Variants in ATP8A2 observed in about 807,000 individuals in gnomAD.
The protein encoded by ATP8A2 is ATPase phospholipid transporting 8A2, also known as phospholipid-transporting ATPase IB.
ATP8A2 carries 100 observed loss-of-function variants against 165.6 expected under a neutral mutation model. The observed-to-expected ratio is 0.60, with a 90% CI of 0.51 to 0.71. The LOEUF is 0.71. ATP8A2 is among the 30% of genes least tolerant of loss of function. The probability of loss-of-function intolerance (pLI) is 0.00; values close to 1 mark genes in which losing one functional copy is unlikely to be tolerated. For synonymous variants in ATP8A2, 543 were observed against 548.8 expected (o/e 0.99, Z 0.15); for missense variants, 1,227 against 1,479.5 (o/e 0.83, Z 2.80).
At chr13:25,764,058 A>T (rs2044440513) in intron 25 of ATP8A2, among the ~76,000 whole-genome samples, 1 of 152,198 alleles carries the variant, frequency 6.6e-6, no homozygotes, top group South Asian at 2.1e-4. Context: ...AATCCTTTTC[A>T]TAGGATAGTA....
intron 28 of ATP8A2, among the ~76,000 whole-genome samples, chr13:25,832,064 C>T (rs550166045): frequency 5.3e-5 from 8 of 151,948 alleles, no homozygotes; most frequent in African/African-American, 1.7e-4. Flanking sequence ...CTCAGCCTCC[C>T]GAGTAGCCAG....
chr13:25,589,612 T>C (rs1472954054), intron 23 of ATP8A2, 23 bp from the exon 24 acceptor site: 1 of 1,581,180 alleles, frequency 6.3e-7, no homozygotes, highest in African/African-American at 1.3e-5. Flanking sequence ...GAAATTCACA[T>C]GTTGTCTCTT....
At chr13:25,493,837 G>T (rs1320181759) in intron 2 of ATP8A2, among the ~76,000 whole-genome samples, 2 of 152,100 alleles carry the variant, frequency 1.3e-5, no homozygotes, top group African/African-American at 4.8e-5. Flanking sequence ...TGGCACAGGA[G>T]CCCTGGGAGG....
intron 27 of ATP8A2, among the ~76,000 whole-genome samples, chr13:25,802,491 T>C (rs1426276622): frequency 1.3e-5 from 2 of 152,324 alleles, no homozygotes; most frequent in Middle Eastern, 3.4e-3. Context: ...GCTTCATTTC[T>C]TACACAAAAT....
chr13:25,851,679 C>A (rs1952012611), intron 30 of ATP8A2, among the ~76,000 whole-genome samples: 3 of 152,178 alleles, frequency 2.0e-5, no homozygotes, highest in African/African-American at 7.2e-5. Flanking sequence ...TGCCAAATTG[C>A]CAGCCTCTGG....
At chr13:25,861,514 A>G (rs958111708) in intron 32 of ATP8A2, among the ~76,000 whole-genome samples, 2 of 152,202 alleles carry the variant, frequency 1.3e-5, no homozygotes, top group Non-Finnish European at 2.9e-5. Flanking sequence ...TAGTGTCATG[A>G]CCTGGCTGCT....
chr13:25,612,378 A>G (rs1475477130), intron 24 of ATP8A2, among the ~76,000 whole-genome samples: 1 of 152,082 alleles, frequency 6.6e-6, no homozygotes, highest in African/African-American at 2.4e-5. Context: ...TTTTCTCTTG[A>G]TTTCATTGTT....
At chr13:25,794,136 G>T (rs1242537184) in intron 27 of ATP8A2, among the ~76,000 whole-genome samples, 1 of 152,230 alleles carries the variant, frequency 6.6e-6, no homozygotes, top group Non-Finnish European at 1.5e-5. Context: ...TGTGAGTTTA[G>T]AGCTGGCCTG....
chr13:25,670,452 C>G (rs1253088452), intron 24 of ATP8A2, among the ~76,000 whole-genome samples: 2 of 152,148 alleles, frequency 1.3e-5, no homozygotes, highest in Non-Finnish European at 2.9e-5. Flanking sequence ...TGCAGGTTCC[C>G]TCTCTGAATT....
At chr13:25,912,559 AG>A (rs1954147081) in intron 33 of ATP8A2, among the ~76,000 whole-genome samples, 1 of 152,218 alleles carries the variant, frequency 6.6e-6, no homozygotes, top group Non-Finnish European at 1.5e-5. Context: ...CTCCACAAAA[AG>A]ATGCGTATTT....
intron 30 of ATP8A2, among the ~76,000 whole-genome samples, chr13:25,850,616 C>T (rs1951983095): frequency 1.3e-5 from 2 of 152,048 alleles, no homozygotes; most frequent in African/African-American, 4.8e-5. Context: ...GGGGTTTTGT[C>T]CCCCTTTGAA....
chr13:25,634,584 T>G (rs2041324722), intron 24 of ATP8A2, among the ~76,000 whole-genome samples: 1 of 152,172 alleles, frequency 6.6e-6, no homozygotes, highest in Non-Finnish European at 1.5e-5. Flanking sequence ...CCTTGGAAGT[T>G]TGAACTGATG....
intron 24 of ATP8A2, among the ~76,000 whole-genome samples, chr13:25,678,901 A>C (rs1477200687): frequency 6.6e-6 from 1 of 152,190 alleles, no homozygotes; most frequent in African/African-American, 2.4e-5. Context: ...AACATGCTAC[A>C]AAAATGCAAG....
rs544537341 is a variant in ATP8A2, at chr13:25,730,934, G to A, written c.2384+31589G>A. ...TACAAAAACTCAAAAAATTAGCCAG[G>A]TTGGCGGCACATACCTGTGGTCCCA... On this transcript the variant is annotated intron_variant, in intron 25 of 36. Transcript: ENST00000381655. Among the ~76,000 whole-genome samples the A allele has an allele frequency of 2.8e-4, 42 of 151,888 alleles. No individual in the cohort carries two copies. In the South Asian group the frequency reaches 4.4e-3, roughly 16 times the overall value.
chr13:25,990,086 C>T (rs1956355555), intron 35 of ATP8A2, among the ~76,000 whole-genome samples: 1 of 152,212 alleles, frequency 6.6e-6, no homozygotes, highest in South Asian at 2.1e-4. Flanking sequence ...TCCCAGGAGC[C>T]TCTGGCAGGA....
At chr13:25,683,515 G>A (rs1007680771) in intron 24 of ATP8A2, among the ~76,000 whole-genome samples, 1 of 152,118 alleles carries the variant, frequency 6.6e-6, no homozygotes, top group Non-Finnish European at 1.5e-5. Flanking sequence ...AATGATGGTT[G>A]GCACGAATGA....
intron 30 of ATP8A2, among the ~76,000 whole-genome samples, chr13:25,840,493 C>T (rs1951726460): frequency 1.3e-5 from 2 of 152,154 alleles, no homozygotes; most frequent in Admixed American, 1.3e-4. Context: ...CATGCACTGC[C>T]ATTTTCTTAT....
intron 28 of ATP8A2, among the ~76,000 whole-genome samples, chr13:25,835,566 T>A (rs1257868232): frequency 5.9e-5 from 9 of 152,154 alleles, no homozygotes; most frequent in African/African-American, 2.2e-4. Flanking sequence ...GGTGGGGATT[T>A]GAGGGACGCT....
chr13:25,990,240 T>G (rs1374522313), intron 35 of ATP8A2, among the ~76,000 whole-genome samples: 1 of 137,630 alleles, frequency 7.3e-6, no homozygotes, highest in Non-Finnish European at 1.5e-5. Context: ...GGCACTGTTT[T>G]GGGTGCCAAG....
Sources: allele counts gnomAD v4.1 joint callset (sites outside exome capture counted in the v4.1 genomes callset), GRCh38; gene constraint gnomAD v4.1.1; transcripts MANE v1.5; gene names NCBI Gene and HGNC (gene_info 2026-07-23, HGNC 2026-07-21).